NFKB1: variants seen among roughly 807,000 people sequenced by gnomAD.
NFKB1 encodes nuclear factor kappa B subunit 1, also known as nuclear factor NF-kappa-B p105 subunit.
NFKB1 carries 9 observed loss-of-function variants against 105.1 expected under a neutral mutation model. The observed-to-expected ratio is 0.09, with a 90% CI of 0.05 to 0.15. NFKB1 has a LOEUF of 0.15. Ranked by LOEUF, NFKB1 falls within the 10% of genes least tolerant of loss-of-function variation. NFKB1 has a pLI of 1.00. For missense variants in NFKB1, 830 were observed against 1,203.7 expected, an observed-to-expected ratio of 0.69 and a Z score of 4.59; for synonymous variants, 440 against 442.2, an observed-to-expected ratio of 1.00 and a Z score of 0.06.
intron 1 of NFKB1, among the ~76,000 whole-genome samples, chr4:102,508,707 T>G (rs1739588156): frequency 6.6e-6 from 1 of 152,162 alleles, no homozygotes; most frequent in South Asian, 2.1e-4. Context: ...AAGCATCGTT[T>G]GTATATGTGT....
intron 16 of NFKB1, among the ~76,000 whole-genome samples, chr4:102,602,357 C>T (rs539083298): frequency 2.7e-5 from 4 of 150,114 alleles, no homozygotes; most frequent in South Asian, 2.1e-4. Flanking sequence ...GGTGAAACCC[C>T]GTCTCTACTA....
At chr4:102,505,790 A>G (rs1182552275) in intron 1 of NFKB1, among the ~76,000 whole-genome samples, 2 of 152,202 alleles carry the variant, frequency 1.3e-5, no homozygotes, top group Admixed American at 6.5e-5. Context: ...GACGAAAGAA[A>G]TATCTGATGC....
chr4:102,560,616 T>C (rs1297823494), intron 5 of NFKB1, among the ~76,000 whole-genome samples: 12 of 152,168 alleles, frequency 7.9e-5, no homozygotes, highest in Admixed American at 3.3e-4. Flanking sequence ...AAGAGGATTT[T>C]TTTCATGCCA....
chr4:102,589,609 CCTT>C (rs951732566), intron 11 of NFKB1, among the ~76,000 whole-genome samples: 4 of 151,992 alleles, frequency 2.6e-5, no homozygotes, highest in African/African-American at 9.7e-5. Flanking sequence ...TAAACAGAGA[CCTT>C]CTATCTAGCC....
chr4:102,609,173 AAAAG>A (rs746104416), intron 19 of NFKB1, among the ~76,000 whole-genome samples: 51 of 151,134 alleles, frequency 3.4e-4, no homozygotes, highest in Middle Eastern at 3.4e-3. Flanking sequence ...AAAAAAAAGA[AAAAG>A]AAAGAAACTA....
At chr4:102,513,376 A>G (rs1338444678) in intron 1 of NFKB1, among the ~76,000 whole-genome samples, 1 of 152,244 alleles carries the variant, frequency 6.6e-6, no homozygotes, top group Non-Finnish European at 1.5e-5. Context: ...CTAACATAGT[A>G]TTAATAAAAA....
chr4:102,548,432 C>T (rs776773407), intron 5 of NFKB1, among the ~76,000 whole-genome samples: 4 of 152,004 alleles, frequency 2.6e-5, no homozygotes, highest in Admixed American at 6.6e-5. Context: ...ATAGAGGAAC[C>T]GGGAGGAGGT....
intron 5 of NFKB1, among the ~76,000 whole-genome samples, chr4:102,563,199 A>G (rs753965829): frequency 6.6e-6 from 1 of 152,184 alleles, no homozygotes; most frequent in Non-Finnish European, 1.5e-5. Context: ...CAAAAAGCAG[A>G]TCCAGCATGT....
intron 23 of NFKB1, among the ~76,000 whole-genome samples, chr4:102,615,493 A>T (rs1728865876): frequency 6.6e-6 from 1 of 152,228 alleles, no homozygotes; most frequent in African/African-American, 2.4e-5. Context: ...CATTGTCCGC[A>T]CTTGAGAAAG....
Position 102,501,635 on chromosome 4 carries a change from G to A in NFKB1, c.-161G>A, listed in dbSNP as rs1739025789. 2 of 149,360 alleles carry A rather than the reference G, an allele frequency of 1.3e-5. No individual in the cohort carries two copies. The highest frequency in any genetic ancestry group is 4.9e-5 in the African/African-American group (2 of 41,118). The allele number at this position is 149,360 out of a possible 1,614,324, so 9.3% of individuals were successfully genotyped here. Reference sequence around the variant, plus strand: ...GGCGCGGCGCTGACTGGCCTGGCCCGGCCCCGCCGCGCTCCCGCTCGCCCC... The same window carrying A: ...GGCGCGGCGCTGACTGGCCTGGCCCAGCCCCGCCGCGCTCCCGCTCGCCCC... On this transcript the variant is annotated 5_prime_UTR_variant, in exon 1 of 24. Transcript: ENST00000226574.
chr4:102,524,564 C>T (rs962931839), intron 1 of NFKB1, among the ~76,000 whole-genome samples: 5 of 152,088 alleles, frequency 3.3e-5, no homozygotes, highest in Non-Finnish European at 7.4e-5. Context: ...AAGCACATTA[C>T]ATATATTGTG....
chr4:102,512,732 T>C (rs1223894303), intron 1 of NFKB1, among the ~76,000 whole-genome samples: 1 of 152,230 alleles, frequency 6.6e-6, no homozygotes, highest in African/African-American at 2.4e-5. Flanking sequence ...CAAATTATTA[T>C]ATTTGTGTAT....
intron 1 of NFKB1, among the ~76,000 whole-genome samples, chr4:102,522,384 G>A (rs561745003): frequency 9.2e-5 from 14 of 152,278 alleles, no homozygotes; most frequent in Non-Finnish European, 1.0e-4. Flanking sequence ...TATCACCCAC[G>A]TGAGCCTTGG....
chr4:102,609,158 CAAA>C lies in NFKB1; in HGVS notation c.2228-1407_2228-1405del, dbSNP rs372174091. ...ATAGAATAAGAATAAGACCCTGTCTCAAAAAAAAAAAAGAAAAAGAAAGAAACT... is the reference window on the plus strand; with the variant it reads ...ATAGAATAAGAATAAGACCCTGTCTCAAAAAAAAAGAAAAAGAAAGAAACT... On this transcript the variant is annotated intron_variant, in intron 19 of 23. Coordinates refer to ENST00000226574, the MANE Select transcript of NFKB1 (RefSeq NM_003998.4). Among the ~76,000 whole-genome samples the C allele has an allele frequency of 5.1e-5, 5 of 97,346 alleles. 1 individual carries two copies. The highest frequency in any genetic ancestry group is 1.1e-4 in the Non-Finnish European group (5 of 46,530). The allele number at this position is 97,346 out of a possible 152,430, so 63.9% of individuals were successfully genotyped here.
At chr4:102,524,508 C>T (rs772364294) in intron 1 of NFKB1, among the ~76,000 whole-genome samples, 15 of 152,150 alleles carry the variant, frequency 9.9e-5, no homozygotes, top group Non-Finnish European at 1.9e-4. Flanking sequence ...TCGTGGAAGA[C>T]AGCGTTTCCA....
chr4:102,545,870 C>T (rs549071500), intron 5 of NFKB1, among the ~76,000 whole-genome samples: 3 of 151,884 alleles, frequency 2.0e-5, no homozygotes, highest in Admixed American at 6.6e-5. Context: ...CAATGTATAC[C>T]GTGGAATAGA....
chr4:102,523,071 T>G (rs1740670075), intron 1 of NFKB1, among the ~76,000 whole-genome samples: 1 of 152,224 alleles, frequency 6.6e-6, no homozygotes, highest in African/African-American at 2.4e-5. Flanking sequence ...CAAGGTTATA[T>G]TCTTTTCAAA....
chr4:102,533,772 G>T, intron 3 of NFKB1, 73 bp from the exon 4 acceptor site: 1 of 1,276,364 alleles, frequency 7.8e-7, no homozygotes, highest in Non-Finnish European at 1.1e-6. Flanking sequence ...TTTTTTACTT[G>T]CTTTACGTTT....
At chr4:102,606,856 G>A (rs1727795855) in intron 17 of NFKB1, among the ~76,000 whole-genome samples, 159 bp downstream of exon 17, 1 of 152,186 alleles carries the variant, frequency 6.6e-6, no homozygotes, top group African/African-American at 2.4e-5. Context: ...GCTCACCAAA[G>A]CTAATTTTTT....
Sources: gnomAD v4.1 joint callset for allele counts (sites outside exome capture counted in the v4.1 genomes callset) on GRCh38, gnomAD v4.1.1 for gene constraint, MANE v1.5 for transcripts, NCBI Gene and HGNC (gene_info 2026-07-23, HGNC 2026-07-21) for gene names.